The following ATP1A2 variants were observed in gnomAD, a reference collection of about 807,000 sequenced individuals.
ATP1A2 encodes the protein ATPase Na+/K+ transporting subunit alpha 2.
A neutral mutation model predicts 113.1 loss-of-function variants in ATP1A2; 56 were observed. The observed-to-expected ratio is 0.49, with a 90% confidence interval of 0.40 to 0.62. The LOEUF is 0.62. Ranked by LOEUF, ATP1A2 falls within the 20% of genes least tolerant of loss-of-function variation. ATP1A2 has a pLI of 0.00. For missense variants in ATP1A2, 712 were observed against 1,357.8 expected (o/e 0.52, Z 7.47); for synonymous variants, 490 against 526.8 (o/e 0.93, Z 0.96).
intron 8 of ATP1A2, 108 bp from the exon 9 acceptor site, chr1:160,128,544 T>G (rs1339675907): frequency 6.4e-7 from 1 of 1,574,718 alleles, no homozygotes; most frequent in South Asian, 1.1e-5. Context: ...CCATTCAAGT[T>G]AGTGGAGTAG....
chr1:160,130,591 C>T lies in ATP1A2; in HGVS notation c.1821C>T (p.Gly607=), dbSNP rs771085157. ...PDAVGKCRSA[G]IKVIMVTGDH... is the part of the protein sequence containing the mutation. The stretch of plus-strand genomic sequence containing the variant: ...CTGTGGGCAAGTGCCGAAGCGCAGG[C>T]ATCAAGGTACTGGCCTCCCATCCTC... Residue 607 remains glycine, a synonymous_variant, in exon 13 of 23, where the codon GGC becomes GGT. Transcript: ENST00000361216. The T allele has an allele frequency of 1.1e-4, 172 of 1,614,186 alleles. No individual in the cohort carries two copies. Among genetic ancestry groups the T allele is most frequent in the Non-Finnish European group, 1.3e-4 (152 of 1,180,026 alleles).
At chr1:160,140,057 G>A in intron 22 of ATP1A2, 73 bp downstream of exon 22, 1 of 1,432,460 alleles carries the variant, frequency 7.0e-7, no homozygotes, top group African/African-American at 1.4e-5. Context: ...ACCACACGCA[G>A]ACTCCACTCC....
chr1:160,139,816 C>G, intron 21 of ATP1A2, 75 bp downstream of exon 21: 3 of 1,609,750 alleles, frequency 1.9e-6, no homozygotes, highest in Non-Finnish European at 2.6e-6. Context: ...AAGTTCTGAT[C>G]GCTTTGAATG....
intron 1 of ATP1A2, among the ~76,000 whole-genome samples, chr1:160,116,546 C>G (rs1344267058): frequency 1.3e-5 from 2 of 152,044 alleles, no homozygotes; most frequent in South Asian, 2.1e-4. Flanking sequence ...AGGTGACCCC[C>G]CCCCCAGTCC....
At chr1:160,131,756 G>A (rs1000053536) in intron 13 of ATP1A2, among the ~76,000 whole-genome samples, 8 of 151,926 alleles carry the variant, frequency 5.3e-5, no homozygotes, top group African/African-American at 9.7e-5. Context: ...ACTTGAACCC[G>A]GGAGGCAGAG....
chr1:160,134,263 C>A (rs1651864663), intron 13 of ATP1A2, among the ~76,000 whole-genome samples: 1 of 147,742 alleles, frequency 6.8e-6, no homozygotes, highest in Non-Finnish European at 1.5e-5. Flanking sequence ...ATCCTACACA[C>A]ACATACACAC....
At chr1:160,131,273 T>G (rs1191918437) in intron 13 of ATP1A2, among the ~76,000 whole-genome samples, 2 of 152,110 alleles carry the variant, frequency 1.3e-5, no homozygotes, top group Non-Finnish European at 2.9e-5. Flanking sequence ...GCACTAAACC[T>G]CTATGATTTC....
rs1282862455 is a variant in ATP1A2, at chr1:160,136,320, C to T, written c.2513C>T (p.Thr838Met). Residue 838 changes from threonine (T) to methionine (M), a missense_variant, in exon 18 of 23, where the codon ACG becomes ATG. Physicochemically the swap from Thr to Met is moderately conservative, Grantham distance 81 (BLOSUM62 -1). Transcript: ENST00000361216. Reference sequence around the variant, plus strand: ...AAGCGGCAGCCACGAAACTCCCAGACGGACAAGCTGGTGAATGAGAGGCTC... The same window carrying T: ...AAGCGGCAGCCACGAAACTCCCAGATGGACAAGCTGGTGAATGAGAGGCTC... ...IMKRQPRNSQ[T>M]DKLVNERLIS... The T allele has an allele frequency of 2.5e-6, 4 of 1,614,184 alleles. No individual in the cohort carries two copies. The highest frequency in any genetic ancestry group is 2.5e-6 in the Non-Finnish European group (3 of 1,180,022).
intron 22 of ATP1A2, 31 bp from the exon 23 acceptor site, chr1:160,141,263 C>A: frequency 6.2e-7 from 1 of 1,613,814 alleles, no homozygotes; most frequent in Non-Finnish European, 8.5e-7. Context: ...TAAGCTCATG[C>A]TGCAATCTCC....
chr1:160,136,516 C>A (rs762328155), intron 18 of ATP1A2, 54 bp from the exon 19 acceptor site: 2 of 1,613,806 alleles, frequency 1.2e-6, no homozygotes, highest in African/African-American at 1.3e-5. Context: ...AGGGGCTGTG[C>A]CCCTTCTGCT....
chr1:160,128,049 C>T (rs770367213), intron 8 of ATP1A2, among the ~76,000 whole-genome samples: 2 of 152,150 alleles, frequency 1.3e-5, no homozygotes, highest in Non-Finnish European at 2.9e-5. Context: ...GTCACGGCTG[C>T]CTTTTCTCAC....
chr1:160,137,179 T>C (rs1203920719), intron 20 of ATP1A2, 148 bp downstream of exon 20: 2 of 1,340,058 alleles, frequency 1.5e-6, no homozygotes, highest in Non-Finnish European at 2.1e-6. Flanking sequence ...CATAGATAGG[T>C]TTCATATAGA....
Position 160,142,818 on chromosome 1 carries a change from AT to A in ATP1A2, c.*1497del, listed in dbSNP as rs1652194631. 1 of 150,196 alleles carries A rather than the reference AT, an allele frequency of 6.7e-6. No homozygotes were observed. Among genetic ancestry groups the A allele is most frequent in the Non-Finnish European group, 1.5e-5 (1 of 67,670 alleles). 9.3% of individuals were successfully genotyped at this position (150,196 alleles called of 1,614,324 possible). On this transcript the variant is annotated 3_prime_UTR_variant, in exon 23 of 23. Transcript: ENST00000361216. ...AGACTCCATCTCAAAAAAAAAAAAAATGATTTGCTTTTGACGTCTTAGGTGG... is the reference window on the plus strand; with the variant it reads ...AGACTCCATCTCAAAAAAAAAAAAAAGATTTGCTTTTGACGTCTTAGGTGG...
In ATP1A2 at chr1:160,123,310, G is replaced by A. The variant is rs774275559; in HGVS notation, c.275G>A (p.Arg92His). The A allele has an allele frequency of 1.5e-5, 24 of 1,614,204 alleles. No homozygotes were observed. Among genetic ancestry groups the A allele is most frequent in the South Asian group, 2.2e-5 (2 of 91,076 alleles). Reference sequence around the variant, plus strand: ...ACCCCTGAGTGGGTCAAGTTCTGCCGTCAGCTTTTCGGGGGGTTCTCCATC... The same window carrying A: ...ACCCCTGAGTGGGTCAAGTTCTGCCATCAGCTTTTCGGGGGGTTCTCCATC... ...PTTPEWVKFC[R>H]QLFGGFSILL... Residue 92 changes from arginine to histidine, a missense_variant, in exon 4 of 23, where the codon CGT (arginine) becomes CAT (histidine). Arg to His is a conservative substitution (Grantham distance 29). Around this residue, in one of 6 missense-constraint regions of ATP1A2, gnomAD observed 109 missense variants for 162.3 expected, o/e 0.67. Transcript: ENST00000361216.
Position 160,129,159 on chromosome 1 carries a change from T to C in ATP1A2, c.1326+70T>C, listed in dbSNP as rs1651687595. The stretch of plus-strand genomic sequence containing the variant: ...CAAAGCCTCTTGCTGGCCCCAGCTT[T>C]CCTTCTCACATGATGTGGCTGCCTT... On this transcript the variant is annotated intron_variant, in intron 10 of 22. Transcript: ENST00000361216. 6.8e-6 allele frequency: 11 copies of C among 1,608,098 alleles called. No homozygotes were observed. The Middle Eastern group carries it at 5.9e-4, about 87-fold the overall frequency.
intron 1 of ATP1A2, among the ~76,000 whole-genome samples, chr1:160,116,495 C>T (rs969361393): frequency 6.6e-6 from 1 of 150,998 alleles, no homozygotes; most frequent in African/African-American, 2.4e-5. Context: ...TCCGTGGGTT[C>T]CAAGCCATGG....
At position 160,129,102 on chromosome 1, in the gene ATP1A2, G is replaced by A. The variant is rs753995041; in HGVS notation, c.1326+13G>A. ...CTCCGTGTCTAAGGTAGGGGGTCAG[G>A]ACACACACCAGGTATGTTTTGGGGG... On this transcript the variant is annotated intron_variant, in intron 10 of 22. Transcript: ENST00000361216. 7.5e-6 allele frequency: 12 copies of A among 1,609,518 alleles called. No individual in the cohort carries two copies. The highest frequency in any genetic ancestry group is 1.1e-5 in the South Asian group (1 of 90,778).
In ATP1A2 at chr1:160,140,550, C is replaced by A. The variant is rs563258316; in HGVS notation, c.3034+566C>A. 15 of 169,220 alleles carry A rather than the reference C, an allele frequency of 8.9e-5. No individual in the cohort carries two copies. The South Asian group carries it at 2.1e-3, about 24-fold the overall frequency. The allele number at this position is 169,220 out of a possible 1,614,324, so 10.5% of individuals were successfully genotyped here. On this transcript the variant is annotated intron_variant, in intron 22 of 22. Coordinates refer to ENST00000361216, the MANE Select transcript of ATP1A2 (RefSeq NM_000702.4). ...GGGGAGGAGGGTGGATTAATTGGTC[C>A]GATATAGAAAATTTAGGGTCTTTCA...
chr1:160,120,203 C>T (rs1303672358), intron 1 of ATP1A2, among the ~76,000 whole-genome samples: 2 of 152,116 alleles, frequency 1.3e-5, no homozygotes, highest in East Asian at 1.9e-4. Flanking sequence ...AGTTGCCTCC[C>T]GTCTAGTAAC....
Sources: allele counts gnomAD v4.1 joint callset (sites outside exome capture counted in the v4.1 genomes callset), GRCh38; gene constraint gnomAD v4.1.1; regional missense constraint gnomAD v4.1.1; transcripts MANE v1.5; gene names NCBI Gene and HGNC (gene_info 2026-07-23, HGNC 2026-07-21).